Variants in REG3G observed in about 807,000 individuals in gnomAD.
The protein encoded by REG3G is regenerating family member 3 gamma, also known as regenerating islet-derived protein 3-gamma.
In REG3G, 19 loss-of-function variants were observed where a neutral mutation model predicts 20.9. The ratio of observed to expected loss-of-function variants is 0.91; its 90% confidence interval spans 0.64 to 1.34. The LOEUF (loss-of-function observed/expected upper bound fraction) is 1.34. REG3G is among the 40% of genes most tolerant of loss of function. The pLI is 0.00. For synonymous variants in REG3G, 89 were observed against 77.4 expected (o/e 1.15, Z -0.79); for missense variants, 235 against 205.0 (o/e 1.15, Z -0.89).
At position 79,027,850 on chromosome 2, in the gene REG3G, A is replaced by G; in HGVS notation, c.377A>G (p.Asp126Gly). 1 of 1,614,010 alleles carries G rather than the reference A, an allele frequency of 6.2e-7. No homozygotes were observed. Among genetic ancestry groups the G allele is most frequent in the East Asian group, 2.2e-5 (1 of 44,858 alleles). The change falls in exon 5 of 6, where the codon GAT (aspartate) becomes GGT (glycine). Residue 126 changes from aspartate (D) to glycine (G), a missense_variant. Coordinates refer to ENST00000272324, the MANE Select transcript of REG3G (RefSeq NM_001008387.3). ...DGDGWEWSST[D>G]VMNYFAWEKN... ...GATGGATGGGAGTGGAGTAGCACTG[A>G]TGTGATGAATTACTTTGCATGGGAG...
At position 79,028,398 on chromosome 2, in the gene REG3G, A is replaced by G. The variant is rs1671680676; in HGVS notation, c.*122A>G. On this transcript the variant is annotated 3_prime_UTR_variant, in exon 6 of 6. Coordinates refer to ENST00000272324, the MANE Select transcript of REG3G (RefSeq NM_001008387.3). ...AACTGCCCTACCTGACTACCTTGTC[A>G]TGATCCTCCTTCTTTTTCCTTTTTC... 3.1e-6 allele frequency: 2 copies of G among 650,208 alleles called. No homozygotes were observed. Among genetic ancestry groups the G allele is most frequent in the Admixed American group, 4.8e-5 (2 of 41,344 alleles). 40.3% of individuals were successfully genotyped at this position (650,208 alleles called of 1,614,324 possible).
intron 4 of REG3G, among the ~76,000 whole-genome samples, 191 bp from the exon 5 acceptor site, chr2:79,027,616 T>C (rs960965824): frequency 6.6e-6 from 1 of 152,194 alleles, no homozygotes; most frequent in Admixed American, 6.5e-5. Flanking sequence ...TTGTGTTTAT[T>C]GGTTGGGATT....
At position 79,026,803 on chromosome 2, in the gene REG3G, TG is replaced by T; in HGVS notation, c.168del (p.Leu56PhefsTer37). The part of the protein sequence containing the change: ...AYGSPCYALF[L>X]SPKSWMDADL... ...GGCTCCCCCTGCTATGCCTTGTTTT[TG>T]TCACCAAAATCCTGGATGGATGCAG... On this transcript the variant is annotated frameshift_variant, in exon 3 of 6. Transcript: ENST00000272324. LOFTEE classifies it high-confidence loss of function. 6.2e-7 allele frequency: 1 copy of T among 1,613,262 alleles called. No individual in the cohort carries two copies. Among genetic ancestry groups the T allele is most frequent in the Non-Finnish European group, 8.5e-7 (1 of 1,179,818 alleles).
chr2:79,025,996 C>G lies in REG3G; in HGVS notation c.-98C>G, dbSNP rs1671607356. On this transcript the variant is annotated 5_prime_UTR_variant, in exon 2 of 6. Transcript: ENST00000272324. ...AGATCACTTCAGTCCTAGGGGACTA[C>G]AGAAGGAAAAAGACAAGAGGCAGTA... 2.6e-6 allele frequency: 3 copies of G among 1,165,902 alleles called. No homozygotes were observed. In the South Asian group the frequency reaches 3.9e-5, roughly 15 times the overall value. 72.2% of individuals were successfully genotyped at this position (1,165,902 alleles called of 1,614,324 possible).
At chr2:79,026,225 A>G (rs1671616541) in intron 2 of REG3G, 56 bp downstream of exon 2, 2 of 1,554,658 alleles carry the variant, frequency 1.3e-6, no homozygotes, top group Non-Finnish European at 1.8e-6. Flanking sequence ...GAGCCAAGAA[A>G]AGGAGGAAGG....
chr2:79,027,663 G>T, intron 4 of REG3G, 144 bp from the exon 5 acceptor site: 1 of 852,744 alleles, frequency 1.2e-6, no homozygotes, highest in East Asian at 2.4e-5. Context: ...AAAGATTCCA[G>T]TGCAGAGGAC....
In REG3G at chr2:79,026,738, C is replaced by G. The variant is rs372942144; in HGVS notation, c.102C>G (p.Pro34=). Residue 34 remains proline (P), a synonymous_variant, in exon 3 of 6, where the codon CCC becomes CCG. Transcript: ENST00000272324. ...GTGAAGAAACCCAGAAGGAACTGCC[C>G]TCTCCACGGATCAGCTGTCCCAAAG... ...VQGEETQKEL[P]SPRISCPKGS... 26 of 1,613,790 alleles carry G rather than the reference C, an allele frequency of 1.6e-5. No individual in the cohort carries two copies. The highest frequency in any genetic ancestry group is 1.9e-5 in the Non-Finnish European group (23 of 1,179,920).
At chr2:79,025,917 G>T (rs972649785) in intron 1 of REG3G, 66 bp from the exon 2 acceptor site, 1 of 628,358 alleles carries the variant, frequency 1.6e-6, no homozygotes, top group African/African-American at 1.8e-5. Flanking sequence ...AGGGATGGGT[G>T]AGTACACAGA....
Position 79,026,692 on chromosome 2 carries a change from CT to C in REG3G, c.77-20del. ...CACCCCCTACTCTTCATTTTACTCT[CT>C]CCCTTTTCTTCCACCCCAGGTGAAG... On this transcript the variant is annotated intron_variant, in intron 2 of 5. Coordinates refer to ENST00000272324, the MANE Select transcript of REG3G (RefSeq NM_001008387.3). 6.3e-7 allele frequency: 1 copy of C among 1,591,732 alleles called. No homozygotes were observed. The highest frequency in any genetic ancestry group is 1.1e-5 in the South Asian group (1 of 90,352).
chr2:79,027,691 A>G, intron 4 of REG3G, 116 bp from the exon 5 acceptor site: 2 of 1,212,322 alleles, frequency 1.6e-6, no homozygotes, highest in South Asian at 2.8e-5. Flanking sequence ...CAGCATCTGG[A>G]AGATCAGACC....
Position 79,028,365 on chromosome 2 carries a change from T to C in REG3G, c.*89T>C. On this transcript the variant is annotated 3_prime_UTR_variant, in exon 6 of 6. Transcript: ENST00000272324. Reference sequence around the variant, plus strand: ...GAAGACTCACCCTGGAAGAGAATATTCTCCCCAAACTGCCCTACCTGACTA... The same window carrying C: ...GAAGACTCACCCTGGAAGAGAATATCCTCCCCAAACTGCCCTACCTGACTA... 1.1e-6 allele frequency: 1 copy of C among 900,780 alleles called. No homozygotes were observed. The highest frequency in any genetic ancestry group is 1.9e-6 in the Non-Finnish European group (1 of 540,010). 55.8% of individuals were successfully genotyped at this position (900,780 alleles called of 1,614,324 possible).
At chr2:79,028,065 C>A in intron 5 of REG3G, 132 bp downstream of exon 5, 1 of 1,307,648 alleles carries the variant, frequency 7.6e-7, no homozygotes, top group Non-Finnish European at 1.1e-6. Flanking sequence ...CTCATCTCTG[C>A]CTTCTTTGAG....
chr2:79,026,717 A>G lies in REG3G; in HGVS notation c.81A>G (p.Glu27=). 6.2e-7 allele frequency: 1 copy of G among 1,613,448 alleles called. No homozygotes were observed. The highest frequency in any genetic ancestry group is 8.5e-7 in the Non-Finnish European group (1 of 1,179,648). ...CLILLCQVQG[E]ETQKELPSPR... is the part of the protein sequence containing the mutation. ...CTCCCTTTTCTTCCACCCCAGGTGA[A>G]GAAACCCAGAAGGAACTGCCCTCTC... is the stretch of plus-strand genomic sequence containing the variant. Residue 27 remains glutamate (E), a synonymous_variant, in exon 3 of 6, where the codon GAA becomes GAG. Coordinates refer to ENST00000272324, the MANE Select transcript of REG3G (RefSeq NM_001008387.3).
At chr2:79,027,334 G>T in intron 4 of REG3G, 163 bp downstream of exon 4, 2 of 706,848 alleles carry the variant, frequency 2.8e-6, no homozygotes, top group Non-Finnish European at 4.7e-6. Flanking sequence ...CAGCTGAAGA[G>T]CTGAATTCTA....
chr2:79,028,006 T>A (rs1326938791), intron 5 of REG3G, 73 bp downstream of exon 5: 2 of 1,591,458 alleles, frequency 1.3e-6, no homozygotes, highest in Non-Finnish European at 1.7e-6. Flanking sequence ...CTTCAGGAAA[T>A]CCTTTTCAGC....
Position 79,025,751 on chromosome 2 carries a change from G to T in REG3G, c.-134G>T, listed in dbSNP as rs999768692. ...ACCCAGTCTTTGCTGACCAGACAAA[G>T]CATACCAGATCTCACCAGAGAGGTA... On this transcript the variant is annotated 5_prime_UTR_variant, in exon 1 of 6. Coordinates refer to ENST00000272324, the MANE Select transcript of REG3G (RefSeq NM_001008387.3). 2 of 231,146 alleles carry T rather than the reference G, an allele frequency of 8.7e-6. No individual in the cohort carries two copies. Among genetic ancestry groups the T allele is most frequent in the African/African-American group, 4.5e-5 (2 of 44,684 alleles). 14.3% of individuals were successfully genotyped at this position (231,146 alleles called of 1,614,324 possible). A position where few individuals can be genotyped will look rare whatever the true frequency, so the allele number is the denominator to read the frequency against.
rs1259333444 is a variant in REG3G at position 79,026,750 on chromosome 2, C to G, written c.114C>G (p.Ile38Met). ...ETQKELPSPRISCPKGSKAYG... is the reference protein window; with the variant it reads ...ETQKELPSPRMSCPKGSKAYG... ...AGAAGGAACTGCCCTCTCCACGGAT[C>G]AGCTGTCCCAAAGGCTCCAAGGCCT... The change falls in exon 3 of 6, where the codon ATC becomes ATG. Residue 38 changes from isoleucine to methionine, a missense_variant. Transcript: ENST00000272324. 2.5e-6 allele frequency: 4 copies of G among 1,613,966 alleles called. No homozygotes were observed. Among genetic ancestry groups the G allele is most frequent in the South Asian group, 1.1e-5 (1 of 91,066 alleles).
chr2:79,028,192 A>G lies in REG3G; in HGVS notation c.461-17A>G. ...AAGTTCCCCCAGCCCCATGCCTTTTATATTCTGTCTCCCTAGGATTTCTGA... is the reference window on the plus strand; with the variant it reads ...AAGTTCCCCCAGCCCCATGCCTTTTGTATTCTGTCTCCCTAGGATTTCTGA... On this transcript the variant is annotated splice_polypyrimidine_tract_variant and intron_variant, in intron 5 of 5. Coordinates refer to ENST00000272324, the MANE Select transcript of REG3G (RefSeq NM_001008387.3). 1 of 1,590,098 alleles carries G rather than the reference A, an allele frequency of 6.3e-7. No homozygotes were observed. Among genetic ancestry groups the G allele is most frequent in the Middle Eastern group, 1.7e-4 (1 of 6,016 alleles).
chr2:79,027,051 G>A lies in REG3G; in HGVS notation c.213G>A (p.Arg71=). 1.2e-6 allele frequency: 2 copies of A among 1,614,062 alleles called. No individual in the cohort carries two copies. The highest frequency in any genetic ancestry group is 8.5e-7 in the Non-Finnish European group (1 of 1,179,972). Residue 71 remains arginine, a synonymous_variant, in exon 4 of 6, where the codon CGG becomes CGA. Transcript: ENST00000272324. ...CCTCAAAGCTGGCTTGCCAGAAGCG[G>A]CCCTCTGGAAAACTGGTGTCTGTGC... is the stretch of plus-strand genomic sequence containing the variant. ...WMDADLACQK[R]PSGKLVSVLS...
Sources: gnomAD v4.1 joint callset for allele counts (sites outside exome capture counted in the v4.1 genomes callset) on GRCh38, gnomAD v4.1.1 for gene constraint, MANE v1.5 for transcripts, NCBI Gene and HGNC (gene_info 2026-07-23, HGNC 2026-07-21) for gene names.